The following DPYD variants were observed in gnomAD, a reference collection of about 807,000 sequenced individuals.
DPYD encodes the protein dihydropyrimidine dehydrogenase.
In DPYD, 109 loss-of-function variants were observed where a neutral mutation model predicts 116.2. The observed-to-expected ratio is 0.94, with a 90% CI of 0.80 to 1.10. The LOEUF (loss-of-function observed/expected upper bound fraction) is 1.10. DPYD is among the 50% of genes least tolerant of loss of function. DPYD has a pLI of 0.00. For missense variants in DPYD, 1,302 were observed against 1,254.5 expected, an observed-to-expected ratio of 1.04 and a Z score of -0.57; for synonymous variants, 440 against 432.0, an observed-to-expected ratio of 1.02 and a Z score of -0.23.
At position 97,078,721 on chromosome 1, in the gene DPYD, A is replaced by C; in HGVS notation, c.*255T>G. On this transcript the variant is annotated 3_prime_UTR_variant, in exon 23 of 23. Transcript: ENST00000370192. ...TCACATAAGACAACTGGCAGTGAAC[A>C]TCCAATTAACTGCCACACAGTTATT... 1 of 476,782 alleles carries C rather than the reference A, an allele frequency of 2.1e-6. No individual in the cohort carries two copies. The highest frequency in any genetic ancestry group is 3.8e-6 in the Non-Finnish European group (1 of 263,770). The allele number at this position is 476,782 out of a possible 1,614,324, so 29.5% of individuals were successfully genotyped here. A position where few individuals can be genotyped will look rare whatever the true frequency, so the allele number is the denominator to read the frequency against.
intron 20 of DPYD, among the ~76,000 whole-genome samples, chr1:97,141,668 T>C (rs1654236513): frequency 6.6e-6 from 1 of 152,186 alleles, no homozygotes; most frequent in African/African-American, 2.4e-5. Context: ...TGTTTGTTCA[T>C]TTTTATCTCT....
intron 14 of DPYD, among the ~76,000 whole-genome samples, chr1:97,402,110 T>C (rs1384635872): frequency 6.6e-6 from 1 of 152,134 alleles, no homozygotes; most frequent in Non-Finnish European, 1.5e-5. Flanking sequence ...ATTCTGGGTC[T>C]TCTAGCATGC....
chr1:97,577,862 G>A (rs571125169), intron 10 of DPYD, among the ~76,000 whole-genome samples: 22 of 151,000 alleles, frequency 1.5e-4, no homozygotes, highest in Admixed American at 8.6e-4. Context: ...AATTTGAGAC[G>A]GAGTTTCGCT....
chr1:97,711,175 A>G (rs956598584), intron 5 of DPYD, among the ~76,000 whole-genome samples: 1 of 151,914 alleles, frequency 6.6e-6, no homozygotes, highest in African/African-American at 2.4e-5. Context: ...ATAAGATTAT[A>G]GTCTGTGTTA....
intron 20 of DPYD, among the ~76,000 whole-genome samples, chr1:97,118,528 G>C (rs1030800609): frequency 6.6e-6 from 1 of 151,982 alleles, no homozygotes; most frequent in Non-Finnish European, 1.5e-5. Flanking sequence ...ACTGAGGAGG[G>C]CATCAAAAAA....
intron 16 of DPYD, among the ~76,000 whole-genome samples, chr1:97,368,953 A>G (rs1236311073): frequency 6.6e-6 from 1 of 152,170 alleles, no homozygotes; most frequent in Non-Finnish European, 1.5e-5. Flanking sequence ...TGTTGGCAAT[A>G]ATTTTAAAAA....
intron 3 of DPYD, among the ~76,000 whole-genome samples, chr1:97,812,615 C>G (rs541912309): frequency 1.3e-5 from 2 of 151,882 alleles, no homozygotes; most frequent in Non-Finnish European, 2.9e-5. Flanking sequence ...TAAAACTTGG[C>G]TTATGGAGAG....
Position 97,405,682 on chromosome 1 carries a change from ATTTTTGTATT to A in DPYD, c.1906-23231_1906-23222del, listed in dbSNP as rs1270507415. Among the ~76,000 whole-genome samples, 6 of 151,934 alleles carry A rather than the reference ATTTTTGTATT, an allele frequency of 3.9e-5. No homozygotes were observed. In the East Asian group the frequency reaches 1.2e-3, roughly 30 times the overall value. On this transcript the variant is annotated intron_variant, in intron 14 of 22. Transcript: ENST00000370192. Reference sequence around the variant, plus strand: ...AGGCATGCACCACCATGCCCAGCTAATTTTTGTATTTTTAGTAGAGACAGGGTTTCACCAT... The same window carrying A: ...AGGCATGCACCACCATGCCCAGCTAATTTAGTAGAGACAGGGTTTCACCAT...
chr1:97,317,443 A>G (rs1476539354), intron 16 of DPYD, among the ~76,000 whole-genome samples: 1 of 152,008 alleles, frequency 6.6e-6, no homozygotes, highest in Non-Finnish European at 1.5e-5. Flanking sequence ...GTATGGATTC[A>G]TTTTGGATAA....
At chr1:97,399,250 T>C (rs1470024708) in intron 14 of DPYD, among the ~76,000 whole-genome samples, 13 of 152,180 alleles carry the variant, frequency 8.5e-5, no homozygotes, top group Non-Finnish European at 8.8e-5. Context: ...AAAGATCAGA[T>C]AGTTGTAGAT....
intron 5 of DPYD, among the ~76,000 whole-genome samples, chr1:97,711,051 G>A (rs1662256185): frequency 6.6e-6 from 1 of 151,834 alleles, no homozygotes; most frequent in African/African-American, 2.4e-5. Flanking sequence ...TTCTTGTGAT[G>A]AATGCCTTTT....
chr1:97,705,230 C>T (rs1355422825), intron 5 of DPYD, among the ~76,000 whole-genome samples: 2 of 151,996 alleles, frequency 1.3e-5, no homozygotes, highest in African/African-American at 2.4e-5. Context: ...GTGCTGCACC[C>T]ATTAACTCGT....
chr1:97,842,573 A>G (rs1670089055), intron 2 of DPYD, among the ~76,000 whole-genome samples: 1 of 152,058 alleles, frequency 6.6e-6, no homozygotes, highest in African/African-American at 2.4e-5. Context: ...ACTAAATGCA[A>G]CTATTAATAC....
chr1:97,670,315 C>T (rs915883895), intron 8 of DPYD, among the ~76,000 whole-genome samples: 3 of 152,140 alleles, frequency 2.0e-5, no homozygotes, highest in South Asian at 2.1e-4. Context: ...TGCTGAAGCC[C>T]TAATCTCAAA....
chr1:97,779,266 A>C (rs1252233903), intron 3 of DPYD, among the ~76,000 whole-genome samples: 4 of 151,166 alleles, frequency 2.6e-5, no homozygotes, highest in Non-Finnish European at 5.9e-5. Context: ...AGTTATATTC[A>C]AGTATTTGCC....
intron 18 of DPYD, among the ~76,000 whole-genome samples, chr1:97,298,543 A>T (rs1246821215): frequency 6.7e-6 from 1 of 150,120 alleles, no homozygotes; most frequent in East Asian, 1.9e-4. Flanking sequence ...ATAAATTAAG[A>T]ATCTGATTTC....
intron 1 of DPYD, among the ~76,000 whole-genome samples, chr1:97,888,921 T>C (rs1261310652): frequency 6.6e-6 from 1 of 151,702 alleles, no homozygotes; most frequent in Non-Finnish European, 1.5e-5. Context: ...ACTTTGGGAG[T>C]CCAAGGCAGG....
At chr1:97,173,332 ATG>A (rs1251540831) in intron 20 of DPYD, among the ~76,000 whole-genome samples, 9 of 145,920 alleles carry the variant, frequency 6.2e-5, no homozygotes, top group East Asian at 2.0e-4. Flanking sequence ...ATACACATAT[ATG>A]TGTATATATG....
chr1:97,711,298 A>G (rs1662271465), intron 5 of DPYD, among the ~76,000 whole-genome samples: 1 of 151,932 alleles, frequency 6.6e-6, no homozygotes. Flanking sequence ...GTTATAAGAA[A>G]CTTATCCAAA....
Sources: allele counts gnomAD v4.1 joint callset (sites outside exome capture counted in the v4.1 genomes callset), GRCh38; gene constraint gnomAD v4.1.1; transcripts MANE v1.5; gene names NCBI Gene and HGNC (gene_info 2026-07-23, HGNC 2026-07-21).